Variants in CLK4 observed in about 807,000 individuals in gnomAD.
The protein encoded by CLK4 is CDC like kinase 4.
CLK4 carries 37 observed loss-of-function variants against 64.4 expected under a neutral mutation model. The observed-to-expected ratio is 0.57, with a 90% CI of 0.44 to 0.76. CLK4 has a LOEUF of 0.76. Among genes scored for constraint, CLK4 ranks in the 30% least tolerant of loss-of-function variants. CLK4 has a pLI of 0.00. For synonymous variants in CLK4, 175 were observed against 191.6 expected (o/e 0.91, Z 0.72); for missense variants, 457 against 605.1 (o/e 0.76, Z 2.57).
Position 178,617,003 on chromosome 5 carries a change from C to A in CLK4, c.476-55G>T. 1 of 1,168,728 alleles carries A rather than the reference C, an allele frequency of 8.6e-7. No individual in the cohort carries two copies. The highest frequency in any genetic ancestry group is 1.3e-5 in the South Asian group (1 of 79,754). 72.4% of individuals were successfully genotyped at this position (1,168,728 alleles called of 1,614,324 possible). ...GTACCTGAGTACAAACTGTCTAGTT[C>A]TTCAAACAATGAATGCTTAAGTGTG... On this transcript the variant is annotated intron_variant, in intron 4 of 12. Transcript: ENST00000316308. The surrounding 1 kb of genome is among the most constrained non-coding windows in gnomAD (Gnocchi z 5.2).
intron 9 of CLK4, 54 bp downstream of exon 9, chr5:178,612,362 A>G: frequency 6.6e-7 from 1 of 1,512,860 alleles, no homozygotes; most frequent in East Asian, 2.3e-5. Flanking sequence ...AAAGCTGTAA[A>G]GAACAAAAAT....
At chr5:178,606,267 T>C (rs777480258) in intron 10 of CLK4, among the ~76,000 whole-genome samples, 6 of 152,244 alleles carry the variant, frequency 3.9e-5, no homozygotes, top group Non-Finnish European at 5.9e-5. Context: ...GTCAGATTGA[T>C]GAAAGCATTC....
intron 9 of CLK4, 74 bp downstream of exon 9, chr5:178,612,341 AC>A (rs1764568787): frequency 7.5e-7 from 1 of 1,330,214 alleles, no homozygotes; most frequent in Non-Finnish European, 1.0e-6. Flanking sequence ...ATACTTCCCC[AC>A]CCCACCAGTA....
rs753764071 is a variant in CLK4 at position 178,603,595 on chromosome 5, A to G, written c.*22T>C. On this transcript the variant is annotated 3_prime_UTR_variant, in exon 13 of 13. Transcript: ENST00000316308. ...AGTAATCTCTTCTAGAGAAGTATAT[A>G]GTAAGACCACTGATTCCCATTTCAT... 1 of 1,526,788 alleles carries G rather than the reference A, an allele frequency of 6.5e-7. No homozygotes were observed. Among genetic ancestry groups the G allele is most frequent in the Admixed American group, 2.2e-5 (1 of 45,020 alleles). The allele number at this position is 1,526,788 out of a possible 1,614,324, so 94.6% of individuals were successfully genotyped here. A position where few individuals can be genotyped will look rare whatever the true frequency, so the allele number is the denominator to read the frequency against.
Position 178,612,131 on chromosome 5 carries a change from C to T in CLK4, c.1051+285G>A, listed in dbSNP as rs534786676. ...ATAGGTACTCATATAACTTCAAAAT[C>T]ACATTTCTTTGATGCATTTAGCTAA... On this transcript the variant is annotated intron_variant, in intron 9 of 12. Coordinates refer to ENST00000316308, the MANE Select transcript of CLK4 (RefSeq NM_020666.3). Among the ~76,000 whole-genome samples, 355 of 150,844 alleles carry T rather than the reference C, an allele frequency of 2.4e-3. 1 individual carries two copies. The highest frequency in any genetic ancestry group is 4.3e-3 in the Non-Finnish European group (291 of 67,892).
At chr5:178,605,129 C>CA (rs10644053) in intron 11 of CLK4, 174 bp downstream of exon 11, 14,533 of 199,096 alleles carry the variant, frequency 0.073, 434 homozygotes, top group African/African-American at 0.16. Context: ...GACTCCATCT[C>CA]AAAAAAAAAA....
In CLK4 at chr5:178,616,963, G is replaced by T; in HGVS notation, c.476-15C>A. 6.3e-7 allele frequency: 1 copy of T among 1,595,306 alleles called. No homozygotes were observed. The highest frequency in any genetic ancestry group is 8.6e-7 in the Non-Finnish European group (1 of 1,163,532). On this transcript the variant is annotated splice_polypyrimidine_tract_variant and intron_variant, in intron 4 of 12. Transcript: ENST00000316308. Reference sequence around the variant, plus strand: ...CACGATTTCATCTAGAGTGAGGAGGGAAAAAGAGGTGTAAGTACCTGAGTA... The same window carrying T: ...CACGATTTCATCTAGAGTGAGGAGGTAAAAAGAGGTGTAAGTACCTGAGTA...
chr5:178,623,393 G>A lies in CLK4; in HGVS notation c.24C>T (p.His8=), dbSNP rs1562131402. The change falls in exon 2 of 13, where the codon CAC becomes CAT. Residue 8 remains histidine (H), a synonymous_variant. Transcript: ENST00000316308. ...TTTCTCTGCTATCCCAATCAGGACA[G>A]TGAGTTCTTTTGGAATGCCGCATCT... The part of the protein sequence containing the change: MRHSKRT[H]CPDWDSRESW... The A allele has an allele frequency of 6.2e-7, 1 of 1,611,920 alleles. No homozygotes were observed.
At chr5:178,616,017 G>A (rs139393430) in intron 5 of CLK4, among the ~76,000 whole-genome samples, 19 of 152,300 alleles carry the variant, frequency 1.2e-4, no homozygotes, top group African/African-American at 4.3e-4. Context: ...GGAGTTCTGG[G>A]AAATTCCTTC....
At chr5:178,622,316 A>C (rs1198640961) in intron 2 of CLK4, 11 of 491,242 alleles carry the variant, frequency 2.2e-5, no homozygotes, top group Non-Finnish European at 2.9e-5. Context: ...ATGAAGCATG[A>C]TTTGTCTGCA....
At chr5:178,605,462 T>C in intron 10 of CLK4, 80 bp from the exon 11 acceptor site, 2 of 835,164 alleles carry the variant, frequency 2.4e-6, no homozygotes, top group Non-Finnish European at 3.6e-6. Flanking sequence ...AAAATTTTAG[T>C]TTCCTTCTTT....
chr5:178,605,410 G>A (rs1002487575), intron 10 of CLK4, 28 bp from the exon 11 acceptor site: 5 of 1,340,274 alleles, frequency 3.7e-6, no homozygotes, highest in South Asian at 2.7e-5. Flanking sequence ...AAGAAATTTA[G>A]TACTCTCCAT....
intron 5 of CLK4, among the ~76,000 whole-genome samples, chr5:178,616,379 T>C (rs1033524046): frequency 2.6e-5 from 4 of 152,106 alleles, no homozygotes; most frequent in African/African-American, 9.7e-5. Context: ...ATTACAGGAG[T>C]GAGCCACTGT....
chr5:178,625,629 T>G (rs1277529170), intron 1 of CLK4, among the ~76,000 whole-genome samples: 1 of 152,166 alleles, frequency 6.6e-6, no homozygotes, highest in Admixed American at 6.5e-5. Flanking sequence ...TCAAGACTTA[T>G]GTATCTTCTT....
chr5:178,624,317 A>T (rs931724440), intron 1 of CLK4, among the ~76,000 whole-genome samples: 2 of 152,224 alleles, frequency 1.3e-5, no homozygotes, highest in Non-Finnish European at 1.5e-5. Flanking sequence ...AAATTTTTTT[A>T]AATGTTTATG....
chr5:178,603,413 A>T lies in CLK4; in HGVS notation c.*204T>A. Reference sequence around the variant, plus strand: ...AAAAATGGTAATTTCAAAAAGAAAAATTAATTTTAATTTTTCTAATGCATT... The same window carrying T: ...AAAAATGGTAATTTCAAAAAGAAAATTTAATTTTAATTTTTCTAATGCATT... On this transcript the variant is annotated 3_prime_UTR_variant, in exon 13 of 13. Transcript: ENST00000316308. 1 of 352,248 alleles carries T rather than the reference A, an allele frequency of 2.8e-6. No individual in the cohort carries two copies. Among genetic ancestry groups the T allele is most frequent in the Non-Finnish European group, 5.0e-6 (1 of 199,362 alleles). 21.8% of individuals were successfully genotyped at this position (352,248 alleles called of 1,614,324 possible). A position where few individuals can be genotyped will look rare whatever the true frequency, so the allele number is the denominator to read the frequency against.
Position 178,616,944 on chromosome 5 carries a change from T to C in CLK4, c.480A>G (p.Glu160=). 1 of 1,612,432 alleles carries C rather than the reference T, an allele frequency of 6.2e-7. No individual in the cohort carries two copies. The highest frequency in any genetic ancestry group is 8.5e-7 in the Non-Finnish European group (1 of 1,178,428). Residue 160 remains glutamate (E), a synonymous_variant, in exon 5 of 13, where the codon GAA becomes GAG. Coordinates refer to ENST00000316308, the MANE Select transcript of CLK4 (RefSeq NM_020666.3). The stretch of plus-strand genomic sequence containing the variant: ...CTCCTTCACCCAAAGTGTCCACGAT[T>C]TCATCTAGAGTGAGGAGGGAAAAAG... ...QSGDVLRARY[E]IVDTLGEGAF...
Position 178,603,501 on chromosome 5 carries a change from A to T in CLK4, c.*116T>A. 1 of 669,210 alleles carries T rather than the reference A, an allele frequency of 1.5e-6. No individual in the cohort carries two copies. The highest frequency in any genetic ancestry group is 2.3e-6 in the Non-Finnish European group (1 of 440,088). The allele number at this position is 669,210 out of a possible 1,614,324, so 41.5% of individuals were successfully genotyped here. On this transcript the variant is annotated 3_prime_UTR_variant, in exon 13 of 13. Transcript: ENST00000316308. ...TTGATACAAAACATACAATATTTAC[A>T]CTTAACTGTACAAAATAATTTAATG...
chr5:178,626,644 G>C (rs1270119248), intron 1 of CLK4, among the ~76,000 whole-genome samples: 2 of 152,230 alleles, frequency 1.3e-5, no homozygotes, highest in Non-Finnish European at 2.9e-5. Context: ...CCGCCGGCTG[G>C]AAGAGGTCCC....
Sources: gnomAD v4.1 joint callset for allele counts (sites outside exome capture counted in the v4.1 genomes callset) on GRCh38, gnomAD v4.1.1 for gene constraint, Gnocchi (gnomAD v3.1) non-coding constraint, MANE v1.5 for transcripts, NCBI Gene and HGNC (gene_info 2026-07-23, HGNC 2026-07-21) for gene names.